Variants in IRX4 observed in about 807,000 individuals in gnomAD.
IRX4 encodes the protein iroquois-class homeodomain protein IRX-4.
In IRX4, 22 loss-of-function variants were observed where a neutral mutation model predicts 32.0. That is an observed-to-expected ratio of 0.69 (90% CI 0.49 to 0.98). The LOEUF (loss-of-function observed/expected upper bound fraction) is 0.98. Ranked by LOEUF, IRX4 falls within the 50% of genes least tolerant of loss-of-function variation. The probability of loss-of-function intolerance (pLI) is 0.00; values close to 1 mark genes in which losing one functional copy is unlikely to be tolerated. For synonymous variants in IRX4, 379 were observed against 351.7 expected (o/e 1.08, Z -0.87); for missense variants, 840 against 744.2 (o/e 1.13, Z -1.50).
At chr5:1,878,873 G>A (rs1478010553) in intron 4 of IRX4, 81 bp from the exon 5 acceptor site, 1 of 1,459,612 alleles carries the variant, frequency 6.9e-7, no homozygotes. Context: ...ACCATTATGA[G>A]GCCTGTTCCC....
At chr5:1,884,023 C>T (rs1735549197), upstream of IRX4, 1 of 152,274 alleles carries the variant, frequency 6.6e-6, no homozygotes, top group Non-Finnish European at 1.5e-5. Flanking sequence ...GGACCGAGCG[C>T]CCACCCCAGG....
chr5:1,881,845 A>C lies in IRX4; in HGVS notation c.260T>G (p.Val87Gly), dbSNP rs764229696. The change falls in exon 2 of 5, where the codon GTG (valine) becomes GGG (glycine). Residue 87 changes from valine (V) to glycine (G), a missense_variant. By Grantham distance (109) the Val-to-Gly change is moderately radical. Coordinates refer to ENST00000231357, the MANE Select transcript of IRX4 (RefSeq NM_016358.3). ...YGGSQGYGNY[V>G]TYGSEASAFY... ...GGCGGACGCCTCCGAGCCGTAGGTCACGTAGTTGCCATAGCCCTGCGATCC... is the reference window on the plus strand; with the variant it reads ...GGCGGACGCCTCCGAGCCGTAGGTCCCGTAGTTGCCATAGCCCTGCGATCC... 8.9e-6 allele frequency: 14 copies of C among 1,578,808 alleles called. No individual in the cohort carries two copies. The highest frequency in any genetic ancestry group is 4.1e-5 in the African/African-American group (3 of 73,938).
At chr5:1,879,094 G>C (rs541759008) in intron 4 of IRX4, among the ~76,000 whole-genome samples, 1,790 of 151,068 alleles carry the variant, frequency 0.012, 34 homozygotes, top group African/African-American at 0.041. Flanking sequence ...AGGGTTCAGG[G>C]CATTCTCCTG....
At chr5:1,881,723 C>T in intron 2 of IRX4, 85 bp downstream of exon 2, 5 of 1,507,408 alleles carry the variant, frequency 3.3e-6, no homozygotes, top group African/African-American at 2.8e-5. Flanking sequence ...TCCGGGGACC[C>T]GGACTGGCGC....
chr5:1,882,594 T>C lies in IRX4; in HGVS notation c.45+9A>G. 6.8e-7 allele frequency: 1 copy of C among 1,480,408 alleles called. No homozygotes were observed. Among genetic ancestry groups the C allele is most frequent in the East Asian group, 2.8e-5 (1 of 36,208 alleles). 91.7% of individuals were successfully genotyped at this position (1,480,408 alleles called of 1,614,324 possible). ...TGCGGTGGCCTGGGCGGGGCGGGGC[T>C]CCGCTTACCTGGGGAGCCGAGGAGT... On this transcript the variant is annotated intron_variant, in intron 1 of 4. Transcript: ENST00000231357.
At position 1,882,784 on chromosome 5, in the gene IRX4, C is replaced by T. The variant is rs1735501369; in HGVS notation, c.-137G>A. On this transcript the variant is annotated 5_prime_UTR_variant, in exon 1 of 5. Coordinates refer to ENST00000231357, the MANE Select transcript of IRX4 (RefSeq NM_016358.3). ...AAGCAGGAGAGCCGGTTAGTCCATC[C>T]CCGCGCTCCGCAAACTTTTCTAACC... 2 of 493,050 alleles carry T rather than the reference C, an allele frequency of 4.1e-6. No individual in the cohort carries two copies. The highest frequency in any genetic ancestry group is 3.5e-5 in the East Asian group (1 of 28,190). The allele number at this position is 493,050 out of a possible 1,614,324, so 30.5% of individuals were successfully genotyped here.
chr5:1,883,050 T>C (rs11948438), upstream of IRX4, among the ~76,000 whole-genome samples: 11,090 of 151,444 alleles, frequency 0.073, 651 homozygotes, highest in African/African-American at 0.16. Flanking sequence ...GACTCGCCGG[T>C]CACTCGCCGG....
At chr5:1,883,879 C>T (rs958121571), upstream of IRX4, 1 of 152,200 alleles carries the variant, frequency 6.6e-6, no homozygotes, top group Admixed American at 6.5e-5. Flanking sequence ...CGGCCCCTCC[C>T]GCTAAGCTCG....
At chr5:1,882,406 C>A (rs531679345) in intron 1 of IRX4, among the ~76,000 whole-genome samples, 197 bp downstream of exon 1, 2 of 152,338 alleles carry the variant, frequency 1.3e-5, no homozygotes, top group Admixed American at 1.3e-4. Flanking sequence ...GGGCCCGGCC[C>A]GTCGGATTTT....
At chr5:1,878,931 TC>T in intron 4 of IRX4, 139 bp from the exon 5 acceptor site, 1 of 872,350 alleles carries the variant, frequency 1.1e-6, no homozygotes, top group Non-Finnish European at 1.9e-6. Flanking sequence ...TCCCATTTCC[TC>T]CAGAGGCCAC....
chr5:1,885,384 C>T (rs1735595556), upstream of IRX4, among the ~76,000 whole-genome samples: 1 of 152,214 alleles, frequency 6.6e-6, no homozygotes, highest in East Asian at 1.9e-4. Flanking sequence ...TTTGCCTTTC[C>T]AGCCTGTGTG....
chr5:1,878,674 A>C lies in IRX4; in HGVS notation c.855T>G (p.Gly285=). 2 of 1,591,632 alleles carry C rather than the reference A, an allele frequency of 1.3e-6. No individual in the cohort carries two copies. The highest frequency in any genetic ancestry group is 2.2e-5 in the South Asian group (2 of 89,022). ...CGGGCGCGGCGGGGACGCGCTCCAG[A>C]CCGCCGTCCAGGGAGTGGAAGGGCG... ...LKPPFHSLDG[G]LERVPAAPDG... The change falls in exon 5 of 5, where the codon GGT becomes GGG. Residue 285 remains glycine, a synonymous_variant. Transcript: ENST00000231357.
chr5:1,886,469 G>C (rs1227031151), upstream of IRX4, among the ~76,000 whole-genome samples: 2 of 152,206 alleles, frequency 1.3e-5, no homozygotes, highest in African/African-American at 4.8e-5. Flanking sequence ...GGCGAACCTC[G>C]AGGTTGGCAG....
At chr5:1,879,973 C>G (rs1251618460) in intron 3 of IRX4, 141 bp from the exon 4 acceptor site, 1 of 1,496,534 alleles carries the variant, frequency 6.7e-7, no homozygotes, top group African/African-American at 1.4e-5. Flanking sequence ...GTCATAAGGC[C>G]CAGGTAGGAC....
chr5:1,880,438 T>C lies in IRX4; in HGVS notation c.407+287A>G, dbSNP rs550232129. ...AGCGGGCTGCCCCGTGAACTGGGCC[T>C]TCCAGATTCGACTTCCCTGAAAGCT... On this transcript the variant is annotated intron_variant, in intron 3 of 4. Transcript: ENST00000231357. Among the ~76,000 whole-genome samples, 333 of 152,296 alleles carry C rather than the reference T, an allele frequency of 2.2e-3. 3 individuals are homozygous for C. The highest frequency in any genetic ancestry group is 2.0e-3 in the Non-Finnish European group (139 of 68,024).
Position 1,879,680 on chromosome 5 carries a change from G to A in IRX4, c.560C>T (p.Thr187Ile). ...MLAIITKMTL[T>I]QVSTWFANAR... ...GTTGGCGAACCAGGTGGAGACCTGT[G>A]TGAGGGTCATCTTGGTGATGATGGC... Residue 187 changes from threonine (T) to isoleucine (I), a missense_variant, in exon 4 of 5, where the codon ACA (threonine) becomes ATA (isoleucine). Coordinates refer to ENST00000231357, the MANE Select transcript of IRX4 (RefSeq NM_016358.3). 1 of 1,614,244 alleles carries A rather than the reference G, an allele frequency of 6.2e-7. No homozygotes were observed. The highest frequency in any genetic ancestry group is 1.3e-5 in the African/African-American group (1 of 75,078).
rs754152376 is a variant in IRX4 at position 1,879,873 on chromosome 5, G to A, written c.408-41C>T. The A allele has an allele frequency of 4.0e-5, 64 of 1,608,932 alleles. No individual in the cohort carries two copies. The South Asian group carries it at 6.2e-4, about 15-fold the overall frequency. ...GCAATGGGCTCAGGCTGGGCCCTCT[G>A]GGCCCCAGGCATCATGGGCATAGGG... On this transcript the variant is annotated intron_variant, in intron 3 of 4. Transcript: ENST00000231357.
chr5:1,878,845 G>C (rs1402184330), intron 4 of IRX4, 53 bp from the exon 5 acceptor site: 1 of 1,571,374 alleles, frequency 6.4e-7, no homozygotes, highest in Non-Finnish European at 8.8e-7. Flanking sequence ...AGGTGAATCA[G>C]ACCCCCTGTC....
chr5:1,881,327 G>A (rs1370756934), intron 2 of IRX4, among the ~76,000 whole-genome samples: 2 of 126,098 alleles, frequency 1.6e-5, no homozygotes, highest in African/African-American at 3.0e-5. Flanking sequence ...GGCGGGGGGA[G>A]GAGCAAGGGT....
Sources: allele counts gnomAD v4.1 joint callset (sites outside exome capture counted in the v4.1 genomes callset), GRCh38; gene constraint gnomAD v4.1.1; transcripts MANE v1.5; gene names NCBI Gene and HGNC (gene_info 2026-07-23, HGNC 2026-07-21).